Variants in ROBO1 observed in about 807,000 individuals in gnomAD.
The protein encoded by ROBO1 is roundabout guidance receptor 1.
Under a neutral mutation model 195.9 loss-of-function variants are expected in ROBO1, and 149 were observed. The ratio of observed to expected loss-of-function variants is 0.76; its 90% CI spans 0.67 to 0.87. The LOEUF (loss-of-function observed/expected upper bound fraction) is 0.87, where lower values mean the gene tolerates loss of function less well. Ranked by LOEUF, ROBO1 falls within the 40% of genes least tolerant of loss-of-function variation. The pLI is 0.00. For synonymous variants in ROBO1, 816 were observed against 733.2 expected, an observed-to-expected ratio of 1.11 and a Z score of -1.82; for missense variants, 1,933 against 2,068.3, an observed-to-expected ratio of 0.93 and a Z score of 1.27.
At chr3:79,449,634 A>G (rs2039379658) in intron 2 of ROBO1, among the ~76,000 whole-genome samples, 2 of 152,214 alleles carry the variant, frequency 1.3e-5, no homozygotes, top group Non-Finnish European at 2.9e-5. Context: ...CTTCATAAAT[A>G]TTTATAAAAT....
chr3:79,696,952 T>C (rs1010156048), intron 1 of ROBO1, among the ~76,000 whole-genome samples: 3 of 151,486 alleles, frequency 2.0e-5, no homozygotes, highest in Non-Finnish European at 4.4e-5. Context: ...CAGACATAAA[T>C]ATATTGTCTC....
At chr3:79,252,753 T>C (rs1056927455) in intron 2 of ROBO1, among the ~76,000 whole-genome samples, 1 of 152,190 alleles carries the variant, frequency 6.6e-6, no homozygotes, top group African/African-American at 2.4e-5. Context: ...ACTCATATAA[T>C]AAATATAGCC....
intron 2 of ROBO1, among the ~76,000 whole-genome samples, chr3:79,395,820 A>T (rs572958290): frequency 2.6e-5 from 4 of 152,132 alleles, no homozygotes; most frequent in Non-Finnish European, 5.9e-5. Context: ...AATTTATATA[A>T]CTAACCCTCT....
chr3:79,109,726 G>A (rs1342138926), intron 3 of ROBO1, among the ~76,000 whole-genome samples: 1 of 151,986 alleles, frequency 6.6e-6, no homozygotes, highest in Non-Finnish European at 1.5e-5. Context: ...AAATTGACTA[G>A]GAGGCTACTG....
At chr3:78,839,733 T>C (rs868793540) in intron 4 of ROBO1, among the ~76,000 whole-genome samples, 2 of 152,146 alleles carry the variant, frequency 1.3e-5, no homozygotes, top group African/African-American at 4.8e-5. Context: ...TGTAAGGATA[T>C]GAAAACCACT....
intron 2 of ROBO1, among the ~76,000 whole-genome samples, chr3:79,382,178 T>C (rs1322499676): frequency 6.6e-6 from 1 of 152,178 alleles, no homozygotes; most frequent in Admixed American, 6.5e-5. Context: ...TATACTCCAT[T>C]CTCTTTTCCT....
intron 3 of ROBO1, among the ~76,000 whole-genome samples, chr3:78,976,754 G>A (rs896370454): frequency 6.6e-6 from 1 of 152,112 alleles, no homozygotes; most frequent in African/African-American, 2.4e-5. Flanking sequence ...AACCAAGGGT[G>A]TATTCCTTCA....
chr3:78,668,777 A>G (rs965285371), intron 11 of ROBO1, among the ~76,000 whole-genome samples: 1 of 152,196 alleles, frequency 6.6e-6, no homozygotes, highest in Admixed American at 6.5e-5. Flanking sequence ...GATTGTTCTA[A>G]TGGTATAATA....
At chr3:79,086,218 G>T (rs1435487982) in intron 3 of ROBO1, among the ~76,000 whole-genome samples, 1 of 151,430 alleles carries the variant, frequency 6.6e-6, no homozygotes. Flanking sequence ...AAGAATTAAA[G>T]GTAGTAATGC....
At chr3:78,733,103 A>C (rs2082318812) in intron 5 of ROBO1, among the ~76,000 whole-genome samples, 1 of 152,200 alleles carries the variant, frequency 6.6e-6, no homozygotes. Context: ...TTGCAGAATC[A>C]GCATTTGATT....
rs148666761 is a variant in ROBO1, at chr3:79,027,304, G to T, written c.173-88377C>A. On this transcript the variant is annotated intron_variant, in intron 3 of 30. Transcript: ENST00000464233. ...AAATATTCAATGTTACACTACCTTT[G>T]GAAAAAGACTATCCAAGCTTATTAG... 6.4e-3 allele frequency among the ~76,000 whole-genome samples: 975 copies of T among 151,960 alleles called. 7 individuals carry two copies. The highest frequency in any genetic ancestry group is 8.0e-3 in the Non-Finnish European group (541 of 67,866).
chr3:78,961,198 A>G (rs2041327736), intron 3 of ROBO1, among the ~76,000 whole-genome samples: 1 of 152,188 alleles, frequency 6.6e-6, no homozygotes, highest in Admixed American at 6.5e-5. Flanking sequence ...TCTGACACCC[A>G]AAAGTATGCA....
intron 2 of ROBO1, among the ~76,000 whole-genome samples, chr3:79,561,423 C>T (rs1270448723): frequency 6.6e-6 from 1 of 152,132 alleles, no homozygotes; most frequent in Non-Finnish European, 1.5e-5. Flanking sequence ...CACCTATGTG[C>T]CCTAAAAATT....
At chr3:79,152,916 A>G (rs750088718) in intron 2 of ROBO1, among the ~76,000 whole-genome samples, 10 of 151,900 alleles carry the variant, frequency 6.6e-5, no homozygotes, top group Non-Finnish European at 1.2e-4. Flanking sequence ...GAGTTGGAAA[A>G]GACTTTGGCG....
intron 1 of ROBO1, among the ~76,000 whole-genome samples, chr3:79,713,250 G>A (rs1441858541): frequency 6.6e-6 from 1 of 152,038 alleles, no homozygotes; most frequent in Non-Finnish European, 1.5e-5. Flanking sequence ...TGCAGCCATG[G>A]ATCAAGGAGC....
rs576661265 is a variant in ROBO1, at chr3:78,714,377, A to G, written c.1045+20T>C. ...TTTGTATGCTAAAACCACCAAAACA[A>G]AGCCTTTCCCAATGCCTACCTTGAA... is the stretch of plus-strand genomic sequence containing the variant. On this transcript the variant is annotated intron_variant, in intron 8 of 30. Coordinates refer to ENST00000464233, the MANE Select transcript of ROBO1 (RefSeq NM_002941.4). The G allele has an allele frequency of 3.1e-6, 5 of 1,603,220 alleles. No individual in the cohort carries two copies. Among genetic ancestry groups the G allele is most frequent in the African/African-American group, 1.3e-5 (1 of 74,492 alleles).
chr3:78,666,553 T>C (rs1707750024), intron 14 of ROBO1, among the ~76,000 whole-genome samples: 1 of 152,136 alleles, frequency 6.6e-6, no homozygotes, highest in Non-Finnish European at 1.5e-5. Context: ...TCTTTACAAA[T>C]GTGTATCTAA....
chr3:79,534,148 C>CAAAAAAAAAAAAAAAAAAAA (rs5850434), intron 2 of ROBO1, among the ~76,000 whole-genome samples: 1 of 59,948 alleles, frequency 1.7e-5, no homozygotes, highest in African/African-American at 6.3e-5. Flanking sequence ...CTGGGGAAGG[C>CAAAAAAAAAAAAAAAAAAAA]AAAAAAAAAA....
chr3:79,452,679 T>C (rs866410307), intron 2 of ROBO1, among the ~76,000 whole-genome samples: 1 of 152,164 alleles, frequency 6.6e-6, no homozygotes, highest in Non-Finnish European at 1.5e-5. Context: ...GGTATATTAA[T>C]AAGTATGTAG....
Sources: gnomAD v4.1 joint callset for allele counts (sites outside exome capture counted in the v4.1 genomes callset) on GRCh38, gnomAD v4.1.1 for gene constraint, MANE v1.5 for transcripts, NCBI Gene and HGNC (gene_info 2026-07-23, HGNC 2026-07-21) for gene names.